The following MYO1E variants were observed in gnomAD, a reference collection of about 807,000 sequenced individuals.
MYO1E encodes unconventional myosin-Ie.
MYO1E carries 68 observed loss-of-function variants against 151.1 expected under a neutral mutation model. That is an observed-to-expected ratio of 0.45 (90% confidence interval 0.37 to 0.55). MYO1E has a LOEUF of 0.55. MYO1E is among the 20% of genes least tolerant of loss of function. The pLI, the probability that MYO1E is intolerant of heterozygous loss-of-function variation, is 0.00. For missense variants in MYO1E, 1,363 were observed against 1,389.3 expected, an observed-to-expected ratio of 0.98 and a Z score of 0.30; for synonymous variants, 601 against 501.7, an observed-to-expected ratio of 1.20 and a Z score of -2.64.
intron 18 of MYO1E, among the ~76,000 whole-genome samples, chr15:59,178,785 G>A (rs2079640981): frequency 6.6e-6 from 1 of 152,180 alleles, no homozygotes; most frequent in Admixed American, 6.5e-5. Flanking sequence ...TCAACACCCT[G>A]GTGAAAACCT....
At chr15:59,212,028 G>T (rs1317405598) in intron 12 of MYO1E, among the ~76,000 whole-genome samples, 9 of 151,928 alleles carry the variant, frequency 5.9e-5, no homozygotes, top group African/African-American at 2.2e-4. Context: ...TTCTTCAGTG[G>T]GTCCTCATTC....
chr15:59,206,838 G>A, intron 14 of MYO1E: 4 of 1,226,130 alleles, frequency 3.3e-6, no homozygotes, highest in Non-Finnish European at 4.5e-6. Context: ...ACGCGCACCT[G>A]CCGTAGAGTG....
chr15:59,292,041 A>G (rs2080422804), intron 1 of MYO1E, among the ~76,000 whole-genome samples: 5 of 152,226 alleles, frequency 3.3e-5, no homozygotes, highest in Admixed American at 2.6e-4. Flanking sequence ...AGCTTTTTAA[A>G]ATCTACCCAA....
In MYO1E at chr15:59,207,420, G is replaced by A. The variant is rs779679015; in HGVS notation, c.1530+1261C>T. On this transcript the variant is annotated intron_variant, in intron 14 of 27. Transcript: ENST00000288235. ...GAGAAACGCGCCTTAATTTAGTCCA[G>A]CGAAATGTGGCCATCTTCAAGTTAA... The A allele has an allele frequency of 2.5e-5, 41 of 1,614,008 alleles. No individual in the cohort carries two copies. In the Middle Eastern group the frequency reaches 5.0e-4, roughly 20 times the overall value.
intron 3 of MYO1E, among the ~76,000 whole-genome samples, chr15:59,259,736 A>G (rs2080214556): frequency 6.6e-6 from 1 of 152,132 alleles, no homozygotes. Context: ...GTCACTCTAT[A>G]TTTTCCAAAC....
Position 59,138,287 on chromosome 15 carries a change from G to A in MYO1E, c.3161C>T (p.Pro1054Leu). 1 of 1,614,234 alleles carries A rather than the reference G, an allele frequency of 6.2e-7. No homozygotes were observed. The highest frequency in any genetic ancestry group is 8.5e-7 in the Non-Finnish European group (1 of 1,180,034). ...ATAGGCATACAAAGCCTTGCACTGT[G>A]GCACCTGAGGCTTGGGCTTGGGCTG... ...KPQPKPKPQV[P>L]QCKALYAYDA... Residue 1054 changes from proline (P) to leucine (L), a missense_variant, in exon 27 of 28, where the codon CCA becomes CTA. Transcript: ENST00000288235.
At chr15:59,149,106 G>C (rs2140304234) in intron 26 of MYO1E, among the ~76,000 whole-genome samples, 1 of 147,288 alleles carries the variant, frequency 6.8e-6, no homozygotes, top group East Asian at 2.0e-4. Context: ...GCCCAGGCTG[G>C]AGTGCAGTGG....
intron 4 of MYO1E, among the ~76,000 whole-genome samples, chr15:59,252,220 A>T (rs560352815): frequency 1.3e-5 from 2 of 152,316 alleles, no homozygotes; most frequent in African/African-American, 4.8e-5. Flanking sequence ...ATAGGCACTG[A>T]AAACACAGGG....
At position 59,325,270 on chromosome 15, in the gene MYO1E, G is replaced by A. The variant is rs76608223; in HGVS notation, c.3+47228C>T. On this transcript the variant is annotated intron_variant, in intron 1 of 27. Transcript: ENST00000288235. ...AGGATGGTCTCCATCTCTTGAACTC[G>A]TTGATCCACCTACCTTGGCCTCCCA... Among the ~76,000 whole-genome samples, 258 of 152,206 alleles carry A rather than the reference G, an allele frequency of 1.7e-3. 4 individuals are homozygous for A. In the East Asian group the frequency reaches 0.041, roughly 24 times the overall value.
At chr15:59,176,591 A>ACACT (rs1270446205) in intron 19 of MYO1E, among the ~76,000 whole-genome samples, 1 of 151,820 alleles carries the variant, frequency 6.6e-6, no homozygotes, top group Non-Finnish European at 1.5e-5. Context: ...CCTCCTGAGT[A>ACACT]GCTAGGACAG....
chr15:59,267,324 C>T (rs67959850), intron 2 of MYO1E, among the ~76,000 whole-genome samples: 23,233 of 151,596 alleles, frequency 0.15, 2,208 homozygotes, highest in East Asian at 0.42. Context: ...TGTGCCCAGC[C>T]GGTTAAAATC....
At chr15:59,236,155 A>G (rs1160514917) in intron 5 of MYO1E, among the ~76,000 whole-genome samples, 3 of 152,012 alleles carry the variant, frequency 2.0e-5, no homozygotes, top group Admixed American at 2.0e-4. Flanking sequence ...CAGACTGGCC[A>G]ACATAGTGAA....
intron 1 of MYO1E, among the ~76,000 whole-genome samples, chr15:59,292,658 G>A (rs1207604985): frequency 6.6e-6 from 1 of 152,182 alleles, no homozygotes; most frequent in East Asian, 1.9e-4. Flanking sequence ...GCAGAGTTAA[G>A]GTTGCTGTAG....
At chr15:59,216,893 C>T (rs183035071) in intron 10 of MYO1E, among the ~76,000 whole-genome samples, 283 of 151,538 alleles carry the variant, frequency 1.9e-3, no homozygotes, top group African/African-American at 6.5e-3. Flanking sequence ...ATACCTGAGT[C>T]CAAGATTAGG....
At chr15:59,246,035 G>A (rs561056492) in intron 4 of MYO1E, among the ~76,000 whole-genome samples, 4 of 152,330 alleles carry the variant, frequency 2.6e-5, no homozygotes, top group African/African-American at 9.6e-5. Context: ...GCAGATATGG[G>A]TGGCTCATTT....
chr15:59,215,545 C>T (rs559923179), intron 10 of MYO1E, among the ~76,000 whole-genome samples: 5 of 151,738 alleles, frequency 3.3e-5, no homozygotes, highest in East Asian at 3.9e-4. Flanking sequence ...TTGGATAGAG[C>T]GGTTGGTGGG....
intron 3 of MYO1E, among the ~76,000 whole-genome samples, chr15:59,256,601 G>A (rs573202782): frequency 2.6e-5 from 4 of 152,084 alleles, no homozygotes; most frequent in Middle Eastern, 3.4e-3. Flanking sequence ...AAATTAAGAC[G>A]GAATTTGGAA....
chr15:59,364,282 A>G (rs1297547200), intron 1 of MYO1E, among the ~76,000 whole-genome samples: 2 of 152,224 alleles, frequency 1.3e-5, no homozygotes, highest in Non-Finnish European at 2.9e-5. Context: ...CACCAATGGT[A>G]GGTACCTTTG....
At chr15:59,265,691 T>C (rs1189573923) in intron 2 of MYO1E, among the ~76,000 whole-genome samples, 9 of 151,196 alleles carry the variant, frequency 6.0e-5, no homozygotes, top group African/African-American at 2.2e-4. Context: ...TGTTTCTGGT[T>C]GGGTGCTATA....
Sources: allele counts gnomAD v4.1 joint callset (sites outside exome capture counted in the v4.1 genomes callset), GRCh38; gene constraint gnomAD v4.1.1; transcripts MANE v1.5; gene names NCBI Gene and HGNC (gene_info 2026-07-23, HGNC 2026-07-21).